Variants in FAT3 observed in about 807,000 individuals in gnomAD.
FAT3 encodes FAT atypical cadherin 3.
In FAT3, 95 loss-of-function variants were observed where a neutral mutation model predicts 310.2. The observed-to-expected ratio is 0.31, with a 90% CI of 0.26 to 0.36. The LOEUF (loss-of-function observed/expected upper bound fraction) is 0.36, where lower values mean the gene tolerates loss of function less well. Among genes scored for constraint, FAT3 ranks in the 10% least tolerant of loss-of-function variants. FAT3 has a pLI of 1.00. For missense variants in FAT3, 5,408 were observed against 5,715.6 expected, an observed-to-expected ratio of 0.95 and a Z score of 1.74; for synonymous variants, 2,314 against 2,192.9, an observed-to-expected ratio of 1.06 and a Z score of -1.54.
intron 4 of FAT3, among the ~76,000 whole-genome samples, chr11:92,719,614 C>G (rs1944800132): frequency 6.7e-6 from 1 of 150,050 alleles, no homozygotes; most frequent in African/African-American, 2.5e-5. Context: ...AAAAAACAGT[C>G]TGTACATACA....
intron 1 of FAT3, among the ~76,000 whole-genome samples, chr11:92,291,080 T>TACACACACACAC (rs141883138): frequency 0.013 from 1,882 of 142,828 alleles, 24 homozygotes; most frequent in South Asian, 0.021. Flanking sequence ...CTTTTTATTC[T>TACACACACACAC]ACACACACAC....
rs767318532 is a variant in FAT3, at chr11:92,798,139, A to G, written c.5126A>G (p.Asp1709Gly). Residue 1709 changes from aspartate to glycine, a missense_variant, in exon 10 of 28, where the codon GAC (aspartate) becomes GGC (glycine). By Grantham distance (94) the Asp-to-Gly change is moderately conservative. This residue lies in a region of FAT3 where 4,588 missense variants were observed against 4,809.8 expected (regional missense o/e 0.95). Transcript: ENST00000525166. Reference sequence around the variant, plus strand: ...CTCATTTATGAAGTCAAAGATGGAGACATTAATGGGATCTTTACCATAAAT... The same window carrying G: ...CTCATTTATGAAGTCAAAGATGGAGGCATTAATGGGATCTTTACCATAAAT... ...STLIYEVKDG[D>G]INGIFTINPY... 1 of 1,613,806 alleles carries G rather than the reference A, an allele frequency of 6.2e-7. No homozygotes were observed. The highest frequency in any genetic ancestry group is 8.5e-7 in the Non-Finnish European group (1 of 1,179,864).
At chr11:92,668,464 C>G (rs1263651711) in intron 3 of FAT3, among the ~76,000 whole-genome samples, 1 of 152,164 alleles carries the variant, frequency 6.6e-6, no homozygotes, top group Non-Finnish European at 1.5e-5. Context: ...GGGCCTAACA[C>G]TGTGTCACAT....
chr11:92,776,534 A>AT, intron 7 of FAT3, among the ~76,000 whole-genome samples: 1 of 152,202 alleles, frequency 6.6e-6, no homozygotes, highest in South Asian at 2.1e-4. Flanking sequence ...ACATGCATTC[A>AT]TTTTTTTCAA....
chr11:92,443,969 G>A (rs1221408820), intron 2 of FAT3, among the ~76,000 whole-genome samples: 2 of 152,176 alleles, frequency 1.3e-5, no homozygotes, highest in Non-Finnish European at 1.5e-5. Flanking sequence ...GATATCACAA[G>A]TGAGGAAACT....
intron 1 of FAT3, among the ~76,000 whole-genome samples, chr11:92,335,689 T>C (rs900559740): frequency 2.0e-5 from 3 of 152,000 alleles, no homozygotes; most frequent in African/African-American, 7.2e-5. Context: ...GTATATGCAC[T>C]TTTTTTTGCA....
At chr11:92,276,177 C>T (rs1055075305) in intron 1 of FAT3, among the ~76,000 whole-genome samples, 3 of 152,142 alleles carry the variant, frequency 2.0e-5, no homozygotes, top group Admixed American at 6.6e-5. Context: ...ATGGCTAATA[C>T]ATTAACCCTT....
chr11:92,731,235 T>C (rs753947759), intron 4 of FAT3, among the ~76,000 whole-genome samples: 6 of 152,198 alleles, frequency 3.9e-5, no homozygotes, highest in Non-Finnish European at 7.3e-5. Flanking sequence ...CTTGAATAGA[T>C]CATTTGTTCA....
At chr11:92,738,821 A>T (rs2136019638) in intron 4 of FAT3, among the ~76,000 whole-genome samples, 1 of 152,286 alleles carries the variant, frequency 6.6e-6, no homozygotes, top group Admixed American at 6.5e-5. Flanking sequence ...ATCTTGCTGG[A>T]TTCTTCATCC....
chr11:92,682,426 T>C (rs541580309), intron 3 of FAT3, among the ~76,000 whole-genome samples: 1 of 152,298 alleles, frequency 6.6e-6, no homozygotes, highest in Admixed American at 6.5e-5. Context: ...GCGCATTACC[T>C]AATTGGAGCT....
At chr11:92,642,613 A>G (rs1302269841) in intron 3 of FAT3, among the ~76,000 whole-genome samples, 1 of 152,258 alleles carries the variant, frequency 6.6e-6, no homozygotes, top group Non-Finnish European at 1.5e-5. Flanking sequence ...AATTTCCATC[A>G]TTAAACAAGG....
chr11:92,884,032 G>A (rs909425073), intron 24 of FAT3, among the ~76,000 whole-genome samples: 11 of 151,654 alleles, frequency 7.3e-5, no homozygotes, highest in Admixed American at 6.6e-5. Flanking sequence ...ACAAGAGGGG[G>A]ATCCACAAGG....
intron 4 of FAT3, among the ~76,000 whole-genome samples, chr11:92,745,848 G>A (rs1431203606): frequency 1.3e-5 from 2 of 152,220 alleles, no homozygotes; most frequent in African/African-American, 4.8e-5. Flanking sequence ...ACTATGTGTA[G>A]TCCTGTGGTA....
intron 4 of FAT3, among the ~76,000 whole-genome samples, chr11:92,714,048 C>G (rs1386933646): frequency 6.6e-6 from 1 of 152,130 alleles, no homozygotes; most frequent in Non-Finnish European, 1.5e-5. Flanking sequence ...CTAGTTACAG[C>G]GTCTATTCCT....
chr11:92,649,047 G>T (rs527252085), intron 3 of FAT3, among the ~76,000 whole-genome samples: 55 of 152,240 alleles, frequency 3.6e-4, no homozygotes, highest in African/African-American at 1.3e-3. Flanking sequence ...AAATGCACCT[G>T]CCCAGTGAGG....
chr11:92,825,176 G>A (rs7130194), intron 13 of FAT3, among the ~76,000 whole-genome samples: 47,201 of 152,016 alleles, frequency 0.31, 7,558 homozygotes, highest in Non-Finnish European at 0.33. Context: ...TATGTGTACT[G>A]TGTGCATCAC....
At chr11:92,531,458 C>A (rs778271130) in intron 3 of FAT3, among the ~76,000 whole-genome samples, 4 of 152,078 alleles carry the variant, frequency 2.6e-5, no homozygotes, top group Non-Finnish European at 5.9e-5. Flanking sequence ...GGTGGGCCAT[C>A]AGGCATGGGA....
intron 2 of FAT3, among the ~76,000 whole-genome samples, chr11:92,431,146 A>G (rs866032232): frequency 0.025 from 3,771 of 152,134 alleles, 169 homozygotes; most frequent in African/African-American, 0.086. Context: ...AAGTGTTCCT[A>G]TTTCTCCACA....
At chr11:92,327,800 G>C (rs1448374574) in intron 1 of FAT3, among the ~76,000 whole-genome samples, 1 of 152,182 alleles carries the variant, frequency 6.6e-6, no homozygotes, top group African/African-American at 2.4e-5. Context: ...ATAAAACAAG[G>C]GGGATAGTTT....
Sources: gnomAD v4.1 joint callset for allele counts (sites outside exome capture counted in the v4.1 genomes callset) on GRCh38, gnomAD v4.1.1 for gene constraint, gnomAD v4.1.1 regional missense constraint, MANE v1.5 for transcripts, NCBI Gene and HGNC (gene_info 2026-07-23, HGNC 2026-07-21) for gene names.